NR6A1: variants seen among roughly 807,000 people sequenced by gnomAD.
The protein encoded by NR6A1 is retinoic acid receptor-related testis-associated receptor.
A neutral mutation model predicts 59.1 loss-of-function variants in NR6A1; 7 were observed. That is an observed-to-expected ratio of 0.12 (90% CI 0.07 to 0.22). The LOEUF (loss-of-function observed/expected upper bound fraction) is 0.22, where lower values mean the gene tolerates loss of function less well. NR6A1 is among the 10% of genes least tolerant of loss of function. The pLI is 1.00. For missense variants in NR6A1, 468 were observed against 611.6 expected, an observed-to-expected ratio of 0.77 and a Z score of 2.48; for synonymous variants, 243 against 236.1, an observed-to-expected ratio of 1.03 and a Z score of -0.27.
chr9:124,670,180 G>A (rs1252475316), intron 2 of NR6A1, among the ~76,000 whole-genome samples: 1 of 142,390 alleles, frequency 7.0e-6, no homozygotes, highest in Non-Finnish European at 1.5e-5. Flanking sequence ...AGGAGTTTGA[G>A]ACCAGCCCAG....
intron 2 of NR6A1, among the ~76,000 whole-genome samples, chr9:124,564,078 T>TA (rs1834163500): frequency 6.6e-6 from 1 of 152,014 alleles, no homozygotes; most frequent in Admixed American, 6.6e-5. Context: ...ACGCTGTCTC[T>TA]AAAAAAACCA....
At chr9:124,560,352 T>C (rs1014616156) in intron 2 of NR6A1, among the ~76,000 whole-genome samples, 3 of 152,206 alleles carry the variant, frequency 2.0e-5, no homozygotes, top group Admixed American at 6.5e-5. Context: ...TTCTGGTCTA[T>C]TGAAATATTT....
chr9:124,689,978 G>A (rs1398046920), intron 2 of NR6A1, among the ~76,000 whole-genome samples: 3 of 152,070 alleles, frequency 2.0e-5, no homozygotes, highest in African/African-American at 7.2e-5. Context: ...ACAATCCCTA[G>A]GATTCTACTG....
chr9:124,597,323 C>G (rs1835299461), intron 2 of NR6A1, among the ~76,000 whole-genome samples: 1 of 136,172 alleles, frequency 7.3e-6, no homozygotes. Context: ...TTCTCAGTCC[C>G]TGTGGATTTA....
At chr9:124,764,999 G>A (rs1014525198) in intron 1 of NR6A1, among the ~76,000 whole-genome samples, 1 of 152,186 alleles carries the variant, frequency 6.6e-6, no homozygotes, top group African/African-American at 2.4e-5. Context: ...TACTGCTACT[G>A]CCATCTGTGG....
intron 2 of NR6A1, among the ~76,000 whole-genome samples, chr9:124,608,731 A>G (rs903151489): frequency 6.6e-6 from 1 of 152,200 alleles, no homozygotes; most frequent in African/African-American, 2.4e-5. Flanking sequence ...TGTCTTCCAC[A>G]ACGGTTGAAC....
At chr9:124,620,406 A>G (rs1281344885) in intron 2 of NR6A1, among the ~76,000 whole-genome samples, 1 of 152,254 alleles carries the variant, frequency 6.6e-6, no homozygotes, top group Non-Finnish European at 1.5e-5. Context: ...GTGAATGTTC[A>G]TAGTAGCATT....
At chr9:124,742,784 G>A (rs1840211778) in intron 1 of NR6A1, among the ~76,000 whole-genome samples, 1 of 152,040 alleles carries the variant, frequency 6.6e-6, no homozygotes, top group Non-Finnish European at 1.5e-5. Context: ...GCTGAGGCAG[G>A]AGAATCACGT....
chr9:124,570,402 A>C (rs1419282710), intron 2 of NR6A1, among the ~76,000 whole-genome samples: 1 of 152,212 alleles, frequency 6.6e-6, no homozygotes, highest in African/African-American at 2.4e-5. Flanking sequence ...TAGAAGAAAA[A>C]ATGAGAAAAA....
chr9:124,540,854 G>A (rs149899243), intron 4 of NR6A1, among the ~76,000 whole-genome samples: 23 of 152,214 alleles, frequency 1.5e-4, no homozygotes, highest in African/African-American at 5.5e-4. Flanking sequence ...TGTCCTTTGT[G>A]AGGCTTTCTA....
intron 1 of NR6A1, 30 bp downstream of exon 1, chr9:124,770,989 CT>C: frequency 2.5e-6 from 3 of 1,177,722 alleles, no homozygotes; most frequent in Non-Finnish European, 3.2e-6. Context: ...CGGTTCCTGC[CT>C]GGCCCGGGCG....
chr9:124,628,638 G>A (rs1417996216), intron 2 of NR6A1, among the ~76,000 whole-genome samples: 1 of 150,576 alleles, frequency 6.6e-6, no homozygotes, highest in Non-Finnish European at 1.5e-5. Flanking sequence ...ACCACGTCCA[G>A]CCTATTTTTT....
At chr9:124,642,575 T>C (rs546155479) in intron 2 of NR6A1, among the ~76,000 whole-genome samples, 168 of 152,328 alleles carry the variant, frequency 1.1e-3, no homozygotes, top group Non-Finnish European at 2.1e-3. Flanking sequence ...AACAATTCTT[T>C]TCTATCCCCT....
chr9:124,588,377 C>T (rs1414605627), intron 2 of NR6A1, among the ~76,000 whole-genome samples: 1 of 151,862 alleles, frequency 6.6e-6, no homozygotes, highest in Non-Finnish European at 1.5e-5. Context: ...GCGCGATCTC[C>T]ACTCACTGCA....
At chr9:124,718,609 T>A (rs938733215) in intron 2 of NR6A1, among the ~76,000 whole-genome samples, 1 of 152,152 alleles carries the variant, frequency 6.6e-6, no homozygotes, top group Admixed American at 6.5e-5. Context: ...TTCTTAATAA[T>A]GTGATGTTCT....
Position 124,730,883 on chromosome 9 carries a change from C to T in NR6A1, c.142+2425G>A, listed in dbSNP as rs138893882. Among the ~76,000 whole-genome samples the T allele has an allele frequency of 3.1e-3, 475 of 152,288 alleles. 3 individuals are homozygous for T. Among genetic ancestry groups the T allele is most frequent in the Admixed American group, 0.02 (301 of 15,296 alleles). ...GTCCTTTCAAATATTTCCTAACACACTGATAACATACAAGAACAAGAGCTA... is the reference window on the plus strand; with the variant it reads ...GTCCTTTCAAATATTTCCTAACACATTGATAACATACAAGAACAAGAGCTA... On this transcript the variant is annotated intron_variant, in intron 2 of 9. Transcript: ENST00000487099.
Position 124,711,186 on chromosome 9 carries a change from TTAAAAAAAAAAAA to T in NR6A1, c.142+22109_142+22121del, listed in dbSNP as rs561653834. Among the ~76,000 whole-genome samples the T allele has an allele frequency of 6.8e-4, 84 of 124,136 alleles. 1 individual carries two copies. The South Asian group carries it at 0.02, about 29-fold the overall frequency. The allele number at this position is 124,136 out of a possible 152,430, so 81.4% of individuals were successfully genotyped here. ...TTTACATGCCTAAGTCAGCTAAGGT[TTAAAAAAAAAAAA>T]AAAAAAAAAAAAAAAAGCTGGCATC... On this transcript the variant is annotated intron_variant, in intron 2 of 9. Coordinates refer to ENST00000487099, the MANE Select transcript of NR6A1 (RefSeq NM_033334.4).
At chr9:124,762,684 T>C (rs781470992) in intron 1 of NR6A1, among the ~76,000 whole-genome samples, 34 of 152,352 alleles carry the variant, frequency 2.2e-4, no homozygotes, top group Middle Eastern at 3.4e-3. Context: ...TTGATCAATC[T>C]GGCATTTTGA....
At chr9:124,555,223 A>G (rs1194990921) in intron 2 of NR6A1, among the ~76,000 whole-genome samples, 1 of 152,198 alleles carries the variant, frequency 6.6e-6, no homozygotes, top group Non-Finnish European at 1.5e-5. Flanking sequence ...TCAAGGAGGA[A>G]ATTCAGGATA....
Sources: allele counts gnomAD v4.1 joint callset (sites outside exome capture counted in the v4.1 genomes callset), GRCh38; gene constraint gnomAD v4.1.1; transcripts MANE v1.5; gene names NCBI Gene and HGNC (gene_info 2026-07-23, HGNC 2026-07-21).